The following DAPK1 variants were observed in gnomAD, a reference collection of about 807,000 sequenced individuals.
DAPK1 encodes death associated protein kinase 1.
Under a neutral mutation model 144.9 loss-of-function variants are expected in DAPK1, and 56 were observed. The observed-to-expected ratio is 0.39, with a 90% confidence interval of 0.31 to 0.48. DAPK1 has a LOEUF of 0.48. DAPK1 is among the 20% of genes least tolerant of loss of function. DAPK1 has a pLI of 0.95. For missense variants in DAPK1, 1,454 were observed against 1,875.4 expected (o/e 0.78, Z 4.15); for synonymous variants, 690 against 749.0 (o/e 0.92, Z 1.29).
intron 2 of DAPK1, among the ~76,000 whole-genome samples, chr9:87,598,934 C>T (rs1643098678): frequency 6.6e-6 from 1 of 152,140 alleles, no homozygotes; most frequent in African/African-American, 2.4e-5. Context: ...CATCTCAGAG[C>T]ATCTTAAAGC....
intron 2 of DAPK1, among the ~76,000 whole-genome samples, chr9:87,583,370 C>G (rs1332165780): frequency 1.3e-5 from 2 of 152,184 alleles, no homozygotes; most frequent in African/African-American, 4.8e-5. Context: ...CATATTTAAA[C>G]TTGCCACTAG....
intron 2 of DAPK1, among the ~76,000 whole-genome samples, chr9:87,595,352 G>A (rs2118905283): frequency 6.6e-6 from 1 of 152,210 alleles, no homozygotes; most frequent in Non-Finnish European, 1.5e-5. Context: ...TCTCCAAGCA[G>A]CATCTCTTTA....
At chr9:87,532,355 A>G (rs887263149) in intron 2 of DAPK1, among the ~76,000 whole-genome samples, 3 of 152,174 alleles carry the variant, frequency 2.0e-5, no homozygotes, top group Admixed American at 2.0e-4. Context: ...ACCCATGCCC[A>G]TTTGTTTGGT....
chr9:87,689,325 T>G (rs1017254738), intron 21 of DAPK1, among the ~76,000 whole-genome samples: 1 of 152,086 alleles, frequency 6.6e-6, no homozygotes, highest in African/African-American at 2.4e-5. Context: ...CCATGCTGTT[T>G]TGGTTACTGT....
chr9:87,545,305 CTGT>C (rs1447472634), intron 2 of DAPK1, among the ~76,000 whole-genome samples: 2 of 152,184 alleles, frequency 1.3e-5, no homozygotes, highest in Non-Finnish European at 2.9e-5. Flanking sequence ...AACAGCTAAA[CTGT>C]TGTTAATCTC....
In DAPK1 at chr9:87,646,328, C is replaced by G. The variant is rs36212723; in HGVS notation, c.1132-133C>G. 1,072 of 699,356 alleles carry G rather than the reference C, an allele frequency of 1.5e-3. 5 individuals carry two copies. In the Middle Eastern group the frequency reaches 0.022, roughly 14 times the overall value. The allele number at this position is 699,356 out of a possible 1,614,324, so 43.3% of individuals were successfully genotyped here. A position where few individuals can be genotyped will look rare whatever the true frequency, so the allele number is the denominator to read the frequency against. On this transcript the variant is annotated intron_variant, in intron 12 of 25. Coordinates refer to ENST00000408954, the MANE Select transcript of DAPK1 (RefSeq NM_004938.4). ...GGTTTTATACCCTTCCACCTGTCTT[C>G]TCTTCCTGCCACGCAGTGGTAGCTC...
intron 2 of DAPK1, among the ~76,000 whole-genome samples, chr9:87,559,741 A>G (rs572483417): frequency 2.6e-5 from 4 of 152,100 alleles, no homozygotes; most frequent in Non-Finnish European, 5.9e-5. Flanking sequence ...TTTTGAACTG[A>G]GACCAGTGAG....
intron 2 of DAPK1, among the ~76,000 whole-genome samples, chr9:87,584,891 G>A (rs113453326): frequency 1.3e-5 from 2 of 152,236 alleles, no homozygotes; most frequent in African/African-American, 4.8e-5. Flanking sequence ...TAGCTAGGCT[G>A]GCCTCGAACT....
In DAPK1 at chr9:87,632,199, G is replaced by T. The variant is rs867928946; in HGVS notation, c.285-5744G>T. The T allele has an allele frequency of 7.4e-6, 7 of 948,578 alleles. No individual in the cohort carries two copies. The African/African-American group carries it at 1.1e-4, about 14-fold the overall frequency. The allele number at this position is 948,578 out of a possible 1,614,324, so 58.8% of individuals were successfully genotyped here. A position where few individuals can be genotyped will look rare whatever the true frequency, so the allele number is the denominator to read the frequency against. On this transcript the variant is annotated intron_variant, in intron 3 of 25. Transcript: ENST00000408954. ...GTATGAGTATATATGTAGAATGAAG[G>T]AGGATGAGTATATATGTAGGGATAA...
At chr9:87,659,273 G>A (rs1374927518) in intron 18 of DAPK1, among the ~76,000 whole-genome samples, 2 of 152,068 alleles carry the variant, frequency 1.3e-5, no homozygotes, top group Non-Finnish European at 2.9e-5. Flanking sequence ...GTTATTACCA[G>A]TACTCCGCAT....
intron 21 of DAPK1, among the ~76,000 whole-genome samples, chr9:87,695,610 C>G (rs1183316569): frequency 6.6e-6 from 1 of 152,164 alleles, no homozygotes; most frequent in Non-Finnish European, 1.5e-5. Context: ...CTGCTTGACA[C>G]TTTCCTGCCT....
chr9:87,552,006 G>A (rs1826507154), intron 2 of DAPK1, among the ~76,000 whole-genome samples: 1 of 152,172 alleles, frequency 6.6e-6, no homozygotes, highest in Non-Finnish European at 1.5e-5. Context: ...CTTGGAGGGT[G>A]AGGAGTCCCT....
chr9:87,563,923 T>G (rs7855593), intron 2 of DAPK1, among the ~76,000 whole-genome samples: 33 of 152,182 alleles, frequency 2.2e-4, no homozygotes, highest in Non-Finnish European at 4.7e-4. Context: ...TCCCTGCTCA[T>G]GCCCTCTGTG....
chr9:87,565,625 G>A (rs923221006), intron 2 of DAPK1, among the ~76,000 whole-genome samples: 2 of 152,186 alleles, frequency 1.3e-5, no homozygotes, highest in Non-Finnish European at 2.9e-5. Flanking sequence ...TAGAAGAGAA[G>A]TAAAATGATG....
intron 20 of DAPK1, 49 bp downstream of exon 20, chr9:87,681,675 G>T (rs751082183): frequency 2.1e-6 from 2 of 937,212 alleles, no homozygotes; most frequent in Middle Eastern, 2.1e-4. Flanking sequence ...GTTGGCTTCC[G>T]CACTCTCTCC....
At chr9:87,525,287 A>C (rs370394710) in intron 2 of DAPK1, 3 of 1,595,074 alleles carry the variant, frequency 1.9e-6, no homozygotes, top group Middle Eastern at 4.5e-4. Flanking sequence ...ACCTCGTTGC[A>C]CTCCTGAGAG....
intron 3 of DAPK1, 127 bp from the exon 4 acceptor site, chr9:87,637,816 T>C (rs1829954221): frequency 9.8e-7 from 1 of 1,015,924 alleles, no homozygotes; most frequent in East Asian, 2.5e-5. Flanking sequence ...GAATCCATGC[T>C]TGGCGGTTTC....
At chr9:87,503,080 G>T (rs937516863) in intron 2 of DAPK1, among the ~76,000 whole-genome samples, 3 of 152,148 alleles carry the variant, frequency 2.0e-5, no homozygotes, top group Non-Finnish European at 4.4e-5. Flanking sequence ...CATTTGGAAA[G>T]TGGGGAGACA....
chr9:87,503,105 G>A (rs778331541), intron 2 of DAPK1, among the ~76,000 whole-genome samples: 3 of 152,160 alleles, frequency 2.0e-5, no homozygotes, highest in Non-Finnish European at 4.4e-5. Flanking sequence ...CCCTGGTAGA[G>A]TGTTGTTAGA....
Sources: gnomAD v4.1 joint callset for allele counts (sites outside exome capture counted in the v4.1 genomes callset) on GRCh38, gnomAD v4.1.1 for gene constraint, MANE v1.5 for transcripts, NCBI Gene and HGNC (gene_info 2026-07-23, HGNC 2026-07-21) for gene names.